Variants in TANC2 observed in about 807,000 individuals in gnomAD.
TANC2 encodes the protein tetratricopeptide repeat, ankyrin repeat and coiled-coil containing 2.
In TANC2, 26 loss-of-function variants were observed where a neutral mutation model predicts 210.5. The ratio of observed to expected loss-of-function variants is 0.12; its 90% CI spans 0.09 to 0.17. The LOEUF is 0.17. Among genes scored for constraint, TANC2 ranks in the 10% least tolerant of loss-of-function variants. The pLI, the probability that TANC2 is intolerant of heterozygous loss-of-function variation, is 1.00. For synonymous variants in TANC2, 931 were observed against 967.1 expected (o/e 0.96, Z 0.69); for missense variants, 2,129 against 2,608.9 (o/e 0.82, Z 4.01).
intron 1 of TANC2, among the ~76,000 whole-genome samples, chr17:62,983,760 T>A (rs1390987838): frequency 6.6e-6 from 1 of 152,114 alleles, no homozygotes; most frequent in African/African-American, 2.4e-5. Flanking sequence ...TTACTGTGAT[T>A]TATTACATTT....
chr17:63,254,655 A>G (rs1458689380), intron 8 of TANC2, among the ~76,000 whole-genome samples: 1 of 152,096 alleles, frequency 6.6e-6, no homozygotes, highest in Non-Finnish European at 1.5e-5. Flanking sequence ...TTCCTTCTGT[A>G]CCCAGTTTTT....
chr17:63,319,275 A>G (rs952270562), intron 11 of TANC2, among the ~76,000 whole-genome samples, 185 bp downstream of exon 11: 1 of 152,200 alleles, frequency 6.6e-6, no homozygotes, highest in Non-Finnish European at 1.5e-5. Context: ...TCAGAACCTT[A>G]GAGTTGGAAA....
intron 4 of TANC2, among the ~76,000 whole-genome samples, chr17:63,146,105 C>T (rs145202459): frequency 6.6e-6 from 1 of 152,168 alleles, no homozygotes; most frequent in East Asian, 1.9e-4. Flanking sequence ...GTTTTTGGTG[C>T]ACAAGTCCTT....
chr17:63,332,451 C>CA (rs1231768454), intron 11 of TANC2: 1 of 393,796 alleles, frequency 2.5e-6, no homozygotes, highest in Non-Finnish European at 5.0e-6. Flanking sequence ...ATAAAGGACT[C>CA]AAAGTGAGTA....
chr17:63,052,069 AG>A (rs2035602412), intron 2 of TANC2, among the ~76,000 whole-genome samples: 1 of 152,186 alleles, frequency 6.6e-6, no homozygotes, highest in South Asian at 2.1e-4. Flanking sequence ...TCTTTCTGGT[AG>A]GCATCCAGAA....
chr17:63,178,504 CTT>C (rs901849438), intron 5 of TANC2, among the ~76,000 whole-genome samples: 1 of 152,184 alleles, frequency 6.6e-6, no homozygotes, highest in African/African-American at 2.4e-5. Flanking sequence ...GCGGCCCCTG[CTT>C]TTAGCAGCTG....
chr17:63,137,772 A>T (rs748791002), intron 4 of TANC2, among the ~76,000 whole-genome samples: 1 of 152,198 alleles, frequency 6.6e-6, no homozygotes, highest in Non-Finnish European at 1.5e-5. Context: ...ATTATATTTG[A>T]TGAAAAAAGT....
At chr17:63,231,301 T>C (rs924443870) in intron 7 of TANC2, among the ~76,000 whole-genome samples, 4 of 152,230 alleles carry the variant, frequency 2.6e-5, no homozygotes, top group Non-Finnish European at 5.9e-5. Flanking sequence ...CCTGTCATCA[T>C]GATGCTAGCT....
At chr17:63,005,844 G>A (rs903459430) in intron 1 of TANC2, among the ~76,000 whole-genome samples, 2 of 149,450 alleles carry the variant, frequency 1.3e-5, no homozygotes, top group African/African-American at 4.9e-5. Context: ...GGTGTTATTT[G>A]TGCCTTAAAA....
chr17:63,114,445 T>A (rs77746721), intron 4 of TANC2, among the ~76,000 whole-genome samples: 4,310 of 152,324 alleles, frequency 0.028, 96 homozygotes, highest in South Asian at 0.087. Flanking sequence ...ACATATATGA[T>A]TTTTAAGAAT....
intron 7 of TANC2, among the ~76,000 whole-genome samples, chr17:63,208,453 A>AG (rs1447075515): frequency 1.3e-5 from 2 of 152,206 alleles, no homozygotes. Context: ...TGGTAAACAA[A>AG]GTCCCCTAAC....
At chr17:63,205,478 T>C (rs902359572) in intron 7 of TANC2, among the ~76,000 whole-genome samples, 3 of 148,586 alleles carry the variant, frequency 2.0e-5, no homozygotes, top group African/African-American at 7.5e-5. Flanking sequence ...ACAGAGAACA[T>C]AGGAGGAAAT....
intron 20 of TANC2, 28 bp downstream of exon 20, chr17:63,405,283 T>C: frequency 2.0e-6 from 3 of 1,530,586 alleles, no homozygotes; most frequent in Admixed American, 1.9e-5. Context: ...TTCCAGTCCC[T>C]CAGGCAGGAC....
chr17:63,416,881 G>C lies in TANC2; in HGVS notation c.4167+1207G>C, dbSNP rs370361559. On this transcript the variant is annotated intron_variant, in intron 26 of 27. Transcript: ENST00000689528. ...CGGGAGACAGATTTTCATGCTCTTG[G>C]GGTCTCCTGTGAAATGAAAGGAACA... Among the ~76,000 whole-genome samples the C allele has an allele frequency of 1.1e-4, 16 of 152,324 alleles. No individual in the cohort carries two copies. In the East Asian group the frequency reaches 3.1e-3, roughly 29 times the overall value.
At chr17:63,027,909 C>A (rs935105409) in intron 2 of TANC2, among the ~76,000 whole-genome samples, 1 of 151,940 alleles carries the variant, frequency 6.6e-6, no homozygotes, top group African/African-American at 2.4e-5. Context: ...TTCCGCACTC[C>A]CCCACCTCAT....
intron 11 of TANC2, among the ~76,000 whole-genome samples, chr17:63,322,332 A>G (rs2045520446): frequency 6.6e-6 from 1 of 152,158 alleles, no homozygotes; most frequent in South Asian, 2.1e-4. Flanking sequence ...CCCCGTCTCT[A>G]CTAAAAATAC....
At chr17:63,308,935 A>C (rs1024645033) in intron 9 of TANC2, among the ~76,000 whole-genome samples, 4 of 152,094 alleles carry the variant, frequency 2.6e-5, no homozygotes, top group African/African-American at 7.2e-5. Flanking sequence ...TACCTTCACT[A>C]TTTTTGTTTT....
At chr17:63,291,448 T>C (rs2044380472) in intron 9 of TANC2, among the ~76,000 whole-genome samples, 1 of 152,158 alleles carries the variant, frequency 6.6e-6, no homozygotes, top group South Asian at 2.1e-4. Context: ...GGAATGTACA[T>C]ACCCTCTGAC....
intron 7 of TANC2, among the ~76,000 whole-genome samples, chr17:63,228,852 G>C (rs937858209): frequency 1.3e-5 from 2 of 152,130 alleles, no homozygotes; most frequent in African/African-American, 2.4e-5. Context: ...GGATTTTCTA[G>C]ATATAGGATC....
Sources: gnomAD v4.1 joint callset for allele counts (sites outside exome capture counted in the v4.1 genomes callset) on GRCh38, gnomAD v4.1.1 for gene constraint, MANE v1.5 for transcripts, NCBI Gene and HGNC (gene_info 2026-07-23, HGNC 2026-07-21) for gene names.